DPP9: variants seen among roughly 807,000 people sequenced by gnomAD.
The protein encoded by DPP9 is dipeptidyl peptidase 9, also known as dipeptidyl peptidase IV-related protein-2.
Under a neutral mutation model 110.7 loss-of-function variants are expected in DPP9, and 50 were observed. The observed-to-expected ratio is 0.45, with a 90% CI of 0.36 to 0.57. The LOEUF is 0.57. DPP9 is among the 20% of genes least tolerant of loss of function. DPP9 has a pLI of 0.00. For synonymous variants in DPP9, 561 were observed against 514.4 expected (o/e 1.09, Z -1.23); for missense variants, 1,022 against 1,217.9 (o/e 0.84, Z 2.39).
Position 4,682,979 on chromosome 19 carries a change from G to A in DPP9, c.2332-141C>T, listed in dbSNP as rs1479212024. Reference sequence around the variant, plus strand: ...ATGCACATGGGGCCGGCAAGGAAGGGGCCCTCAGACCGCGTGGCCCCCGTG... The same window carrying A: ...ATGCACATGGGGCCGGCAAGGAAGGAGCCCTCAGACCGCGTGGCCCCCGTG... On this transcript the variant is annotated intron_variant, in intron 19 of 21. Coordinates refer to ENST00000262960, the MANE Select transcript of DPP9 (RefSeq NM_139159.5). The surrounding 1 kb of genome is among the most constrained non-coding windows in gnomAD (Gnocchi z 7.1). 6.5e-6 allele frequency: 10 copies of A among 1,532,576 alleles called. No homozygotes were observed. In the Admixed American group the frequency reaches 1.4e-4, roughly 21 times the overall value. The allele number at this position is 1,532,576 out of a possible 1,614,324, so 94.9% of individuals were successfully genotyped here.
chr19:4,695,483 G>A lies in DPP9; in HGVS notation c.1248C>T (p.Ile416=), dbSNP rs1219651532. The A allele has an allele frequency of 2.5e-6, 4 of 1,575,200 alleles. No individual in the cohort carries two copies. In the South Asian group the frequency reaches 4.7e-5, roughly 18 times the overall value. Reference sequence around the variant, plus strand: ...GCTGCTCCTCATTCTCTGTGCTCGGGATGAACAGGGCCGGGGGGAGGAGGA... The same window carrying A: ...GCTGCTCCTCATTCTCTGTGCTCGGAATGAACAGGGCCGGGGGGAGGAGGA... The part of the protein sequence containing the change: ...QLVLLPPALF[I]PSTENEEQRL... The change falls in exon 12 of 22, where the codon ATC becomes ATT. Residue 416 remains isoleucine, a synonymous_variant. Coordinates refer to ENST00000262960, the MANE Select transcript of DPP9 (RefSeq NM_139159.5). This position sits in a 1 kb window ranked among gnomAD's most constrained non-coding sequence, Gnocchi z 4.7.
In DPP9 at chr19:4,722,569, G is replaced by A. The variant is rs929030537; in HGVS notation, c.-88-18C>T. ...ACACAGACCTTTATAGGATAAACAT[G>A]TCATGAATGTGGCAGGTTAATGGAA... On this transcript the variant is annotated intron_variant, in intron 1 of 21. Transcript: ENST00000262960. 5 of 702,882 alleles carry A rather than the reference G, an allele frequency of 7.1e-6. No homozygotes were observed. The highest frequency in any genetic ancestry group is 7.0e-5 in the African/African-American group (4 of 57,256). The allele number at this position is 702,882 out of a possible 1,614,324, so 43.5% of individuals were successfully genotyped here.
At chr19:4,690,504 C>T (rs185068457) in intron 14 of DPP9, among the ~76,000 whole-genome samples, 2 of 152,322 alleles carry the variant, frequency 1.3e-5, no homozygotes, top group East Asian at 3.9e-4. Flanking sequence ...GCATCATGCC[C>T]CACAACAAGG....
At position 4,704,323 on chromosome 19, in the gene DPP9, CA is replaced by C. The variant is rs745991594; in HGVS notation, c.427-20del. Reference sequence around the variant, plus strand: ...GCGTGGCCTGGAAACATACAGGGGACAGGGGGCAGCGTCAGTGGGCAAAGAG... The same window carrying C: ...GCGTGGCCTGGAAACATACAGGGGACGGGGGCAGCGTCAGTGGGCAAAGAG... On this transcript the variant is annotated intron_variant, in intron 5 of 21. Transcript: ENST00000262960. This position sits in a 1 kb window ranked among gnomAD's most constrained non-coding sequence, Gnocchi z 6.0. The C allele has an allele frequency of 1.4e-5, 22 of 1,596,752 alleles. No homozygotes were observed. The East Asian group carries it at 2.9e-4, about 21-fold the overall frequency.
chr19:4,693,454 C>T lies in DPP9; in HGVS notation c.1516+1207G>A, dbSNP rs146610521. On this transcript the variant is annotated intron_variant, in intron 13 of 21. Coordinates refer to ENST00000262960, the MANE Select transcript of DPP9 (RefSeq NM_139159.5). This position sits in a 1 kb window ranked among gnomAD's most constrained non-coding sequence, Gnocchi z 5.0. ...ACCTCAACTTGAACACATCCAAACC[C>T]GACTCTGGATTTTTTCTCTCCTAGA... is the stretch of plus-strand genomic sequence containing the variant. 3.5e-4 allele frequency among the ~76,000 whole-genome samples: 53 copies of T among 152,254 alleles called. No homozygotes were observed. The East Asian group carries it at 8.7e-3, about 25-fold the overall frequency.
rs781559598 is a variant in DPP9 at position 4,685,605 on chromosome 19, G to C, written c.2031+21C>G. The stretch of plus-strand genomic sequence containing the variant: ...CGGGTGGATGGTGGGGTGGGGGCCT[G>C]GGGAGCAGGTGTGCACTCACCTGGG... On this transcript the variant is annotated intron_variant, in intron 17 of 21. Transcript: ENST00000262960. This position sits in a 1 kb window ranked among gnomAD's most constrained non-coding sequence, Gnocchi z 5.8. The C allele has an allele frequency of 1.1e-5, 18 of 1,590,324 alleles. No homozygotes were observed. The highest frequency in any genetic ancestry group is 5.1e-6 in the Non-Finnish European group (6 of 1,169,380).
Position 4,684,697 on chromosome 19 carries a change from C to G in DPP9, c.2144G>C (p.Gly715Ala). The change falls in exon 18 of 22, where the codon GGG becomes GCG. Residue 715 changes from glycine (G) to alanine (A), a missense_variant. This residue lies in a region of DPP9 where 209 missense variants were observed against 280.4 expected (regional missense o/e 0.75). Coordinates refer to ENST00000262960, the MANE Select transcript of DPP9 (RefSeq NM_139159.5). The surrounding 1 kb of genome is among the most constrained non-coding windows in gnomAD (Gnocchi z 4.8). ...VIDGRGSCQR[G>A]LRFEGALKNQ... Reference sequence around the variant, plus strand: ...TTTCAGGGCCCCTTCGAACCGAAGCCCTCGCTGACAGGAGCCCCTGCCGTC... The same window carrying G: ...TTTCAGGGCCCCTTCGAACCGAAGCGCTCGCTGACAGGAGCCCCTGCCGTC... 1 of 1,612,592 alleles carries G rather than the reference C, an allele frequency of 6.2e-7. No homozygotes were observed. The highest frequency in any genetic ancestry group is 8.5e-7 in the Non-Finnish European group (1 of 1,179,446).
In DPP9 at chr19:4,708,527, G is replaced by A. The variant is rs191245979; in HGVS notation, c.314-2557C>T. On this transcript the variant is annotated intron_variant, in intron 4 of 21. Transcript: ENST00000262960. ...TCACTATTCACAACAGCAAAGACAT[G>A]GAATCAGCCTAAATCCATCAACGGT... Among the ~76,000 whole-genome samples, 1,055 of 152,238 alleles carry A rather than the reference G, an allele frequency of 6.9e-3. 12 individuals carry two copies. Among genetic ancestry groups the A allele is most frequent in the African/African-American group, 0.024 (993 of 41,538 alleles).
At chr19:4,680,893 G>T (rs569305266) in intron 20 of DPP9, among the ~76,000 whole-genome samples, 208 of 152,214 alleles carry the variant, frequency 1.4e-3, no homozygotes, top group Middle Eastern at 3.4e-3. Context: ...GGAGGTGGAG[G>T]TTGCAGTGAG....
chr19:4,681,975 T>C (rs1671237996), intron 20 of DPP9, among the ~76,000 whole-genome samples: 2 of 149,306 alleles, frequency 1.3e-5, no homozygotes, highest in South Asian at 4.4e-4. Context: ...CAGCCTCCCA[T>C]ATAGCTGGGA....
At position 4,720,034 on chromosome 19, in the gene DPP9, C is replaced by T; in HGVS notation, c.-35-93G>A. ...CCCCTTCGCCCCCTCCTCATTGCTC[C>T]AGGCAGCCCCCCAAGCCTCCGGGGA... is the stretch of plus-strand genomic sequence containing the variant. On this transcript the variant is annotated intron_variant, in intron 2 of 21. Coordinates refer to ENST00000262960, the MANE Select transcript of DPP9 (RefSeq NM_139159.5). The T allele has an allele frequency of 4.8e-6, 5 of 1,052,198 alleles. No homozygotes were observed. In the South Asian group the frequency reaches 6.9e-5, roughly 14 times the overall value. The allele number at this position is 1,052,198 out of a possible 1,614,324, so 65.2% of individuals were successfully genotyped here. A position where few individuals can be genotyped will look rare whatever the true frequency, so the allele number is the denominator to read the frequency against.
chr19:4,705,872 G>A lies in DPP9; in HGVS notation c.412C>T (p.Leu138=). 6.2e-7 allele frequency: 1 copy of A among 1,613,884 alleles called. No homozygotes were observed. ...GCACAGCTTACCTGGAAATGATCCA[G>A]CATCTGCTTCCAGGACAGGAGCAGC... The part of the protein sequence containing the change: ...ALLLLSWKQM[L]DHFQATPHHG... The change falls in exon 5 of 22, where the codon CTG becomes TTG. Residue 138 remains leucine (L), a synonymous_variant. Transcript: ENST00000262960.
Position 4,694,063 on chromosome 19 carries a change from C to T in DPP9, c.1516+598G>A, listed in dbSNP as rs1228229582. Among the ~76,000 whole-genome samples, 2 of 151,050 alleles carry T rather than the reference C, an allele frequency of 1.3e-5. No homozygotes were observed. The highest frequency in any genetic ancestry group is 3.0e-5 in the Non-Finnish European group (2 of 67,300). On this transcript the variant is annotated intron_variant, in intron 13 of 21. Coordinates refer to ENST00000262960, the MANE Select transcript of DPP9 (RefSeq NM_139159.5). This position sits in a 1 kb window ranked among gnomAD's most constrained non-coding sequence, Gnocchi z 4.0. ...TCTCGCCCGACTGCATTTCCTTCCA[C>T]CACGCACATCACACCAGAGGCAGCA...
chr19:4,680,892 G>C (rs2089768369), intron 20 of DPP9, among the ~76,000 whole-genome samples: 1 of 152,118 alleles, frequency 6.6e-6, no homozygotes, highest in Admixed American at 6.5e-5. Context: ...GGGAGGTGGA[G>C]GTTGCAGTGA....
At chr19:4,723,370 G>A (rs1012003336) in intron 1 of DPP9, among the ~76,000 whole-genome samples, 1 of 152,226 alleles carries the variant, frequency 6.6e-6, no homozygotes, top group Non-Finnish European at 1.5e-5. Context: ...ACCTCCGGAA[G>A]GGGTCAGAGC....
Position 4,694,947 on chromosome 19 carries a change from A to T in DPP9, c.1354-124T>A. On this transcript the variant is annotated intron_variant, in intron 12 of 21. Coordinates refer to ENST00000262960, the MANE Select transcript of DPP9 (RefSeq NM_139159.5). The surrounding 1 kb of genome is among the most constrained non-coding windows in gnomAD (Gnocchi z 4.0). ...AGACTTGCTTGAGCCCAGGAATTTCAGAGACCAGCCTGGACAACATAGTAA... is the reference window on the plus strand; with the variant it reads ...AGACTTGCTTGAGCCCAGGAATTTCTGAGACCAGCCTGGACAACATAGTAA... 1.1e-6 allele frequency: 1 copy of T among 905,104 alleles called. No homozygotes were observed. The highest frequency in any genetic ancestry group is 1.7e-6 in the Non-Finnish European group (1 of 594,428). 56.1% of individuals were successfully genotyped at this position (905,104 alleles called of 1,614,324 possible). A position where few individuals can be genotyped will look rare whatever the true frequency, so the allele number is the denominator to read the frequency against.
rs773293801 is a variant in DPP9 at position 4,685,683 on chromosome 19, G to A, written c.1974C>T (p.His658=). Residue 658 remains histidine, a synonymous_variant, in exon 17 of 22, where the codon CAC becomes CAT. Transcript: ENST00000262960. This position sits in a 1 kb window ranked among gnomAD's most constrained non-coding sequence, Gnocchi z 5.8. ...VRLYGMIYKP[H]ALQPGKKHPT... Reference sequence around the variant, plus strand: ...GGTGCTTCTTCCCTGGCTGCAAGGCGTGGGGCTTGTAGATCATGCCGTAGA... The same window carrying A: ...GGTGCTTCTTCCCTGGCTGCAAGGCATGGGGCTTGTAGATCATGCCGTAGA... 1.3e-5 allele frequency: 21 copies of A among 1,613,194 alleles called. No homozygotes were observed. The highest frequency in any genetic ancestry group is 6.7e-5 in the East Asian group (3 of 44,882).
At chr19:4,692,977 C>G (rs951727239) in intron 13 of DPP9, among the ~76,000 whole-genome samples, 1 of 152,192 alleles carries the variant, frequency 6.6e-6, no homozygotes, top group Non-Finnish European at 1.5e-5. Context: ...TCACCTGTCC[C>G]TGGCTCATTC....
intron 4 of DPP9, among the ~76,000 whole-genome samples, chr19:4,709,307 G>A (rs1036129032): frequency 2.0e-5 from 3 of 152,106 alleles, no homozygotes; most frequent in African/African-American, 4.8e-5. Context: ...GAGGAAGCGC[G>A]CTTGTGAAGT....
Sources: gnomAD v4.1 joint callset for allele counts (sites outside exome capture counted in the v4.1 genomes callset) on GRCh38, gnomAD v4.1.1 for gene constraint, gnomAD v4.1.1 regional missense constraint, Gnocchi (gnomAD v3.1) non-coding constraint, MANE v1.5 for transcripts, NCBI Gene and HGNC (gene_info 2026-07-23, HGNC 2026-07-21) for gene names.